Variants in STK32B observed in about 807,000 individuals in gnomAD.
STK32B encodes serine/threonine-protein kinase 32B.
STK32B carries 43 observed loss-of-function variants against 52.6 expected under a neutral mutation model. The observed-to-expected ratio is 0.82, with a 90% CI of 0.64 to 1.05. STK32B has a LOEUF of 1.05. STK32B is among the 50% of genes least tolerant of loss of function. STK32B has a pLI of 0.00. For synonymous variants in STK32B, 238 were observed against 204.3 expected (o/e 1.17, Z -1.41); for missense variants, 621 against 534.6 (o/e 1.16, Z -1.59).
chr4:5,120,685 G>A (rs1185220536), intron 1 of STK32B, among the ~76,000 whole-genome samples: 1 of 152,086 alleles, frequency 6.6e-6, no homozygotes, highest in Non-Finnish European at 1.5e-5. Context: ...GTGTAGTCAT[G>A]AGAATTTTTG....
intron 3 of STK32B, among the ~76,000 whole-genome samples, chr4:5,206,349 C>T (rs1449683498): frequency 6.6e-6 from 1 of 152,278 alleles, no homozygotes; most frequent in African/African-American, 2.4e-5. Context: ...AGGAATATCC[C>T]ACTAAATATT....
chr4:5,228,953 G>T, intron 3 of STK32B, among the ~76,000 whole-genome samples: 1 of 152,088 alleles, frequency 6.6e-6, no homozygotes, highest in East Asian at 1.9e-4. Context: ...GGTGACAAGT[G>T]CGAAACTCCG....
At chr4:5,186,980 C>T (rs1720793755) in intron 3 of STK32B, among the ~76,000 whole-genome samples, 1 of 152,218 alleles carries the variant, frequency 6.6e-6, no homozygotes, top group Non-Finnish European at 1.5e-5. Context: ...CTCAGGGGGC[C>T]TGTGCTGAGC....
intron 1 of STK32B, among the ~76,000 whole-genome samples, chr4:5,106,300 C>CA (rs1282792695): frequency 6.6e-6 from 1 of 151,748 alleles, no homozygotes; most frequent in East Asian, 1.9e-4. Flanking sequence ...GACTCCATCT[C>CA]AAAAAAAACT....
rs73797164 is a variant in STK32B at position 5,261,263 on chromosome 4, G to A, written c.261-69957G>A. On this transcript the variant is annotated intron_variant, in intron 3 of 11. Coordinates refer to ENST00000282908, the MANE Select transcript of STK32B (RefSeq NM_018401.3). ...GCTTGCAACTTATCCTGAGGCTGCC[G>A]ACAGCCATCAAAATTCTATGAACAT... 6.4e-3 allele frequency among the ~76,000 whole-genome samples: 971 copies of A among 152,244 alleles called. 18 individuals carry two copies. The highest frequency in any genetic ancestry group is 0.017 in the Middle Eastern group (5 of 294).
Position 5,466,827 on chromosome 4 carries a change from G to C in STK32B, c.1034G>C (p.Cys345Ser). Residue 345 changes from cysteine (C) to serine (S), a missense_variant, in exon 10 of 12, where the codon TGC (cysteine) becomes TCC (serine). Cys to Ser is a moderately radical substitution (Grantham distance 112, BLOSUM62 -1). Transcript: ENST00000282908. Reference sequence around the variant, plus strand: ...TCCAGGGATGGCACAAAGGACAGCTGCCCGCTGGTGAGTGCTTCGTGGGAG... The same window carrying C: ...TCCAGGGATGGCACAAAGGACAGCTCCCCGCTGGTGAGTGCTTCGTGGGAG... ...NRSRDGTKDS[C>S]PLNGHLQHCL... 1 of 1,613,126 alleles carries C rather than the reference G, an allele frequency of 6.2e-7. No homozygotes were observed. The highest frequency in any genetic ancestry group is 1.1e-5 in the South Asian group (1 of 90,812).
intron 2 of STK32B, among the ~76,000 whole-genome samples, chr4:5,142,956 G>A (rs1362167336): frequency 6.6e-6 from 1 of 152,228 alleles, no homozygotes; most frequent in Non-Finnish European, 1.5e-5. Flanking sequence ...CTGCCTCCTG[G>A]TGGCCTTTGG....
At chr4:5,171,357 G>C (rs566443603) in intron 3 of STK32B, among the ~76,000 whole-genome samples, 10 of 151,834 alleles carry the variant, frequency 6.6e-5, no homozygotes, top group African/African-American at 2.4e-4. Context: ...ATTGCTTTTG[G>C]TGTTTTAGAC....
chr4:5,047,337 G>A (rs952851794), upstream of STK32B, among the ~76,000 whole-genome samples: 4 of 151,968 alleles, frequency 2.6e-5, no homozygotes, highest in African/African-American at 9.7e-5. Context: ...AGGGCCTGTT[G>A]GGGGGTGGGG....
chr4:5,176,824 C>T (rs1412173347), intron 3 of STK32B, among the ~76,000 whole-genome samples: 1 of 152,124 alleles, frequency 6.6e-6, no homozygotes, highest in African/African-American at 2.4e-5. Flanking sequence ...GGTTACATGA[C>T]AGGGCTGGGT....
chr4:5,149,783 T>TA (rs1291188132), intron 2 of STK32B, among the ~76,000 whole-genome samples: 1 of 151,864 alleles, frequency 6.6e-6, no homozygotes, highest in African/African-American at 2.4e-5. Flanking sequence ...ATTTTGCTGT[T>TA]AAAAATTAGG....
intron 3 of STK32B, among the ~76,000 whole-genome samples, chr4:5,265,511 T>C (rs1479656898): frequency 2.6e-5 from 4 of 152,196 alleles, no homozygotes; most frequent in Admixed American, 2.6e-4. Flanking sequence ...CTAATTGAAA[T>C]GATGGGGTCC....
chr4:5,179,176 T>A (rs1475168122), intron 3 of STK32B, among the ~76,000 whole-genome samples: 1 of 152,232 alleles, frequency 6.6e-6, no homozygotes, highest in African/African-American at 2.4e-5. Context: ...GCAGCAGGAT[T>A]GAGTGAGTGC....
chr4:5,199,957 T>C (rs1368898890), intron 3 of STK32B, among the ~76,000 whole-genome samples: 1 of 152,208 alleles, frequency 6.6e-6, no homozygotes, highest in Non-Finnish European at 1.5e-5. Flanking sequence ...GTGTCAGTCT[T>C]CTTCCCTCTG....
At chr4:5,253,384 G>T (rs1726073336) in intron 3 of STK32B, among the ~76,000 whole-genome samples, 1 of 152,040 alleles carries the variant, frequency 6.6e-6, no homozygotes, top group Non-Finnish European at 1.5e-5. Context: ...TGTTGTTGTT[G>T]TTGTTGTTTA....
intron 1 of STK32B, among the ~76,000 whole-genome samples, chr4:5,119,312 A>C (rs903677395): frequency 1.3e-5 from 2 of 152,206 alleles, no homozygotes; most frequent in Non-Finnish European, 2.9e-5. Context: ...GGGAAACTTG[A>C]TATTCTCTTA....
intron 3 of STK32B, among the ~76,000 whole-genome samples, chr4:5,188,726 T>C (rs1036194395): frequency 6.6e-6 from 1 of 151,830 alleles, no homozygotes; most frequent in African/African-American, 2.4e-5. Context: ...TTTCTCCCCC[T>C]ACACACAACT....
intron 2 of STK32B, among the ~76,000 whole-genome samples, chr4:5,156,574 C>T (rs527935107): frequency 3.1e-4 from 47 of 152,184 alleles, no homozygotes; most frequent in Non-Finnish European, 6.5e-4. Context: ...CTGTAGTCAG[C>T]AGGGCTTCGT....
In STK32B at chr4:5,469,068, T is replaced by C. The variant is rs1217665262; in HGVS notation, c.1106+998T>C. On this transcript the variant is annotated intron_variant, in intron 11 of 11. Transcript: ENST00000282908. This position sits in a 1 kb window ranked among gnomAD's most constrained non-coding sequence, Gnocchi z 4.7. ...TCCGTCTCAAAAAAAAAAAAAAAAA[T>C]TATCTAGGGGATTTGTGGCTGTGGC... 2.6e-5 allele frequency among the ~76,000 whole-genome samples: 3 copies of C among 114,386 alleles called. No individual in the cohort carries two copies. Among genetic ancestry groups the C allele is most frequent in the Non-Finnish European group, 5.9e-5 (3 of 50,986 alleles). The allele number at this position is 114,386 out of a possible 152,430, so 75.0% of individuals were successfully genotyped here. A position where few individuals can be genotyped will look rare whatever the true frequency, so the allele number is the denominator to read the frequency against.
Sources: gnomAD v4.1 joint callset for allele counts (sites outside exome capture counted in the v4.1 genomes callset) on GRCh38, gnomAD v4.1.1 for gene constraint, Gnocchi (gnomAD v3.1) non-coding constraint, MANE v1.5 for transcripts, NCBI Gene and HGNC (gene_info 2026-07-23, HGNC 2026-07-21) for gene names.